FHIT: variants seen among roughly 807,000 people sequenced by gnomAD.
The protein encoded by FHIT is bis(5'-adenosyl)-triphosphatase.
FHIT carries 19 observed loss-of-function variants against 17.9 expected under a neutral mutation model. That is an observed-to-expected ratio of 1.06 (90% CI 0.74 to 1.56). The LOEUF (loss-of-function observed/expected upper bound fraction) is 1.56. FHIT is among the 40% of genes most tolerant of loss of function. The pLI, the probability that FHIT is intolerant of heterozygous loss-of-function variation, is 0.00. For synonymous variants in FHIT, 81 were observed against 69.7 expected, an observed-to-expected ratio of 1.16 and a Z score of -0.81; for missense variants, 248 against 189.2, an observed-to-expected ratio of 1.31 and a Z score of -1.82.
intron 5 of FHIT, among the ~76,000 whole-genome samples, chr3:60,272,169 G>A (rs550245879): frequency 7.2e-5 from 11 of 152,202 alleles, no homozygotes; most frequent in African/African-American, 2.4e-4. Flanking sequence ...CACAAAACCA[G>A]ACACAATTTT....
At chr3:59,780,368 C>G (rs1465016589) in intron 8 of FHIT, among the ~76,000 whole-genome samples, 1 of 152,198 alleles carries the variant, frequency 6.6e-6, no homozygotes, top group Non-Finnish European at 1.5e-5. Context: ...TTACAGTGAA[C>G]AGTCCAAGCT....
In FHIT at chr3:59,764,863, AACACACACACACACACAC is replaced by A. The variant is rs57549363; in HGVS notation, c.349-12560_349-12543del. Among the ~76,000 whole-genome samples, 521 of 145,784 alleles carry A rather than the reference AACACACACACACACACAC, an allele frequency of 3.6e-3. 2 individuals are homozygous for A. Among genetic ancestry groups the A allele is most frequent in the South Asian group, 0.01 (45 of 4,418 alleles). On this transcript the variant is annotated intron_variant, in intron 8 of 9. Coordinates refer to ENST00000492590, the MANE Select transcript of FHIT (RefSeq NM_002012.4). ...GCAACAGAGATGTAAGGCAACTGCA[AACACACACACACACACAC>A]ACACACACACACACACACACACACA...
rs544760956 is a variant in FHIT at position 59,786,795 on chromosome 3, T to C, written c.349-34474A>G. On this transcript the variant is annotated intron_variant, in intron 8 of 9. Coordinates refer to ENST00000492590, the MANE Select transcript of FHIT (RefSeq NM_002012.4). ...CTAATACAGTCTCCCCATGTAGTCA[T>C]CTGTCTTGTGAGGTTCCCTCAATAC... Among the ~76,000 whole-genome samples, 4 of 152,388 alleles carry C rather than the reference T, an allele frequency of 2.6e-5. No homozygotes were observed. In the South Asian group the frequency reaches 8.3e-4, roughly 32 times the overall value.
At chr3:60,427,298 C>T (rs1298989646) in intron 5 of FHIT, among the ~76,000 whole-genome samples, 1 of 152,136 alleles carries the variant, frequency 6.6e-6, no homozygotes, top group East Asian at 1.9e-4. Flanking sequence ...CCCAGTCCTA[C>T]AATCACAAGG....
At chr3:60,125,875 C>T (rs532393743) in intron 5 of FHIT, among the ~76,000 whole-genome samples, 1 of 152,252 alleles carries the variant, frequency 6.6e-6, no homozygotes, top group Non-Finnish European at 1.5e-5. Flanking sequence ...ACCCATGACA[C>T]GTGTTATTCA....
At chr3:60,814,153 G>T in intron 4 of FHIT, among the ~76,000 whole-genome samples, 1 of 151,766 alleles carries the variant, frequency 6.6e-6, no homozygotes. Flanking sequence ...TAAAGCCCTT[G>T]GGCTTAGGTC....
chr3:61,040,597 T>A (rs1405977635), intron 3 of FHIT, among the ~76,000 whole-genome samples: 1 of 152,152 alleles, frequency 6.6e-6, no homozygotes. Flanking sequence ...CAGAGTTTTC[T>A]AATCGTTAAT....
chr3:59,918,680 T>C (rs1705257991), intron 8 of FHIT, among the ~76,000 whole-genome samples: 1 of 152,126 alleles, frequency 6.6e-6, no homozygotes, highest in South Asian at 2.1e-4. Flanking sequence ...GGCAAGGATC[T>C]TAAACTCCAA....
chr3:60,920,733 C>A (rs1488923023), intron 3 of FHIT, among the ~76,000 whole-genome samples: 2 of 151,930 alleles, frequency 1.3e-5, no homozygotes, highest in Non-Finnish European at 2.9e-5. Flanking sequence ...CCTTTTCAGT[C>A]ATGTTTAAAG....
At chr3:60,721,074 T>C (rs1553707942) in intron 4 of FHIT, among the ~76,000 whole-genome samples, 1 of 152,142 alleles carries the variant, frequency 6.6e-6, no homozygotes, top group Non-Finnish European at 1.5e-5. Context: ...TCTGTCATAA[T>C]TGTTTTGTTG....
At chr3:59,855,791 T>C (rs974274938) in intron 8 of FHIT, among the ~76,000 whole-genome samples, 10 of 151,868 alleles carry the variant, frequency 6.6e-5, no homozygotes, top group Admixed American at 3.3e-4. Context: ...TTTTTGTTTT[T>C]TTTTTTTGAG....
chr3:60,512,610 G>C (rs1418045640), intron 5 of FHIT, among the ~76,000 whole-genome samples: 1 of 152,178 alleles, frequency 6.6e-6, no homozygotes, highest in African/African-American at 2.4e-5. Flanking sequence ...TAATCTGGCA[G>C]TCATCAACTA....
intron 5 of FHIT, among the ~76,000 whole-genome samples, chr3:60,127,978 A>G (rs1705635637): frequency 6.6e-6 from 1 of 152,008 alleles, no homozygotes; most frequent in African/African-American, 2.4e-5. Flanking sequence ...AGTCAGCAAA[A>G]CCTTTGACTT....
At chr3:61,091,738 A>C (rs1306101476) in intron 2 of FHIT, among the ~76,000 whole-genome samples, 1 of 151,936 alleles carries the variant, frequency 6.6e-6, no homozygotes. Flanking sequence ...ACTTGAGCCC[A>C]GGAGTTTGAG....
At chr3:59,828,549 GA>G (rs1198961139) in intron 8 of FHIT, among the ~76,000 whole-genome samples, 20 of 152,176 alleles carry the variant, frequency 1.3e-4, no homozygotes, top group African/African-American at 4.3e-4. Context: ...TTCTTAAAGA[GA>G]AATGCAAAGT....
chr3:60,050,752 C>T (rs906112256), intron 5 of FHIT, among the ~76,000 whole-genome samples: 13 of 152,276 alleles, frequency 8.5e-5, no homozygotes, highest in South Asian at 8.3e-4. Context: ...GAGCTCCTTA[C>T]GGACAGAGAC....
At chr3:59,929,343 C>A (rs1158591799) in intron 7 of FHIT, among the ~76,000 whole-genome samples, 1 of 140,734 alleles carries the variant, frequency 7.1e-6, no homozygotes, top group African/African-American at 2.6e-5. Flanking sequence ...ACTCAGAAAT[C>A]TTCACGTATT....
chr3:60,232,298 A>G (rs564347203), intron 5 of FHIT, among the ~76,000 whole-genome samples: 7 of 152,284 alleles, frequency 4.6e-5, no homozygotes, highest in African/African-American at 1.2e-4. Context: ...TTTAAAAGCA[A>G]TCTCAGTGAA....
chr3:59,773,250 G>GC (rs756964756), intron 8 of FHIT, among the ~76,000 whole-genome samples: 138 of 152,298 alleles, frequency 9.1e-4, no homozygotes, highest in Non-Finnish European at 1.5e-3. Flanking sequence ...AGAGCTCACA[G>GC]CCCCGGTGGG....
Sources: gnomAD v4.1 joint callset for allele counts (sites outside exome capture counted in the v4.1 genomes callset) on GRCh38, gnomAD v4.1.1 for gene constraint, MANE v1.5 for transcripts, NCBI Gene and HGNC (gene_info 2026-07-23, HGNC 2026-07-21) for gene names.